LIX1L: variants seen among roughly 807,000 people sequenced by gnomAD.
LIX1L encodes limb and CNS expressed 1 like, also known as LIX1-like protein.
In LIX1L, 20 loss-of-function variants were observed where a neutral mutation model predicts 34.0. The ratio of observed to expected loss-of-function variants is 0.59; its 90% CI spans 0.41 to 0.85. LIX1L has a LOEUF of 0.85. Ranked by LOEUF, LIX1L falls within the 40% of genes least tolerant of loss-of-function variation. The pLI is 0.00. For synonymous variants in LIX1L, 170 were observed against 187.4 expected (o/e 0.91, Z 0.76); for missense variants, 397 against 447.0 (o/e 0.89, Z 1.01).
At chr1:145,945,488 T>C (rs1329431454) in intron 2 of LIX1L, among the ~76,000 whole-genome samples, 3 of 152,032 alleles carry the variant, frequency 2.0e-5, no homozygotes, top group Admixed American at 1.3e-4. Context: ...GGCTCACGCC[T>C]GTAATTCCAG....
At position 145,948,535 on chromosome 1, in the gene LIX1L, A is replaced by T. The variant is rs1352523986; in HGVS notation, c.293-753T>A. On this transcript the variant is annotated intron_variant, in intron 1 of 5. Coordinates refer to ENST00000604000, the MANE Select transcript of LIX1L (RefSeq NM_153713.3). This position sits in a 1 kb window ranked among gnomAD's most constrained non-coding sequence, Gnocchi z 4.0. ...GATTCCTTTTCCAACCCAGAATACT[A>T]TGTACATACTACGAGTGAGAGAAGC... Among the ~76,000 whole-genome samples, 3 of 152,196 alleles carry T rather than the reference A, an allele frequency of 2.0e-5. No individual in the cohort carries two copies. Among genetic ancestry groups the T allele is most frequent in the Admixed American group, 6.5e-5 (1 of 15,274 alleles).
intron 3 of LIX1L, among the ~76,000 whole-genome samples, chr1:145,940,555 T>TC (rs1433197703): frequency 5.5e-5 from 8 of 144,884 alleles, no homozygotes; most frequent in Non-Finnish European, 1.2e-4. Flanking sequence ...TCTTTCTTTT[T>TC]TTTTTTTTTT....
intron 4 of LIX1L, among the ~76,000 whole-genome samples, chr1:145,937,199 A>G (rs782281139): frequency 4.6e-5 from 7 of 151,662 alleles, no homozygotes; most frequent in Middle Eastern, 3.4e-3. Context: ...TATTTGAGAC[A>G]GAGTCTTGCT....
chr1:145,947,384 G>T, intron 2 of LIX1L: 1 of 513,462 alleles, frequency 1.9e-6, no homozygotes, highest in East Asian at 3.0e-5. Context: ...ACTGAGCAAG[G>T]GGATATTCAT....
intron 1 of LIX1L, among the ~76,000 whole-genome samples, chr1:145,951,489 C>G (rs1649299272): frequency 6.6e-6 from 1 of 152,114 alleles, no homozygotes; most frequent in Non-Finnish European, 1.5e-5. Flanking sequence ...TTTAAGAATG[C>G]TCATTCTTCT....
Position 145,935,912 on chromosome 1 carries a change from A to T in LIX1L, c.*398T>A. On this transcript the variant is annotated 3_prime_UTR_variant, in exon 6 of 6. Transcript: ENST00000604000. ...CATACTCATACCCTGTTTGAGTCCA[A>T]GAGGAAGCAGGAATGAGAGTAAGGG... 4.8e-6 allele frequency: 1 copy of T among 207,200 alleles called. No homozygotes were observed. The highest frequency in any genetic ancestry group is 1.3e-4 in the East Asian group (1 of 7,538). The allele number at this position is 207,200 out of a possible 1,614,324, so 12.8% of individuals were successfully genotyped here. A position where few individuals can be genotyped will look rare whatever the true frequency, so the allele number is the denominator to read the frequency against.
chr1:145,942,916 G>C, intron 2 of LIX1L, 63 bp from the exon 3 acceptor site: 6 of 1,512,188 alleles, frequency 4.0e-6, no homozygotes, highest in African/African-American at 2.7e-5. Context: ...GGAAGGAACA[G>C]TGGGAGGGAA....
intron 1 of LIX1L, among the ~76,000 whole-genome samples, chr1:145,949,259 G>A (rs986744154): frequency 2.0e-5 from 3 of 152,180 alleles, no homozygotes; most frequent in Admixed American, 2.0e-4. Context: ...TTGCAGCTGT[G>A]ATCAAGTTCT....
intron 3 of LIX1L, among the ~76,000 whole-genome samples, chr1:145,940,510 C>T (rs1037001892): frequency 7.3e-5 from 10 of 137,604 alleles, no homozygotes; most frequent in Non-Finnish European, 1.5e-5. Flanking sequence ...CAATGCCCAG[C>T]TAATTTTTGT....
chr1:145,951,328 T>G (rs1649293500), intron 1 of LIX1L, among the ~76,000 whole-genome samples: 4 of 152,190 alleles, frequency 2.6e-5, no homozygotes. Flanking sequence ...ATTACAGGCG[T>G]GAGCCACCGC....
chr1:145,947,639 T>C lies in LIX1L; in HGVS notation c.436A>G (p.Ser146Gly). ...YVCYVTLPGG[S>G]CFGSFQFCPT... ...CTTACCTGGAAACTCCCAAAGCAGC[T>C]TCCCCCAGGCAGGGTGACATAGCAG... Residue 146 changes from serine (S) to glycine (G), a missense_variant, in exon 2 of 6, where the codon AGC (serine) becomes GGC (glycine). This residue lies in a region of LIX1L where 207 missense variants were observed against 205.2 expected (regional missense o/e 1.01). Coordinates refer to ENST00000604000, the MANE Select transcript of LIX1L (RefSeq NM_153713.3). The C allele has an allele frequency of 6.2e-7, 1 of 1,614,048 alleles. No homozygotes were observed. The highest frequency in any genetic ancestry group is 8.5e-7 in the Non-Finnish European group (1 of 1,179,948).
intron 2 of LIX1L, among the ~76,000 whole-genome samples, chr1:145,946,306 C>T (rs1042570101): frequency 6.0e-5 from 9 of 150,454 alleles, no homozygotes; most frequent in Admixed American, 1.3e-4. Context: ...TCAAGCAATT[C>T]TCCTGCCTCA....
At position 145,936,528 on chromosome 1, in the gene LIX1L, G is replaced by A. The variant is rs782145457; in HGVS notation, c.796C>T (p.Arg266Trp). 33 of 1,614,004 alleles carry A rather than the reference G, an allele frequency of 2.0e-5. No individual in the cohort carries two copies. Among genetic ancestry groups the A allele is most frequent in the Non-Finnish European group, 2.5e-5 (30 of 1,180,006 alleles). The part of the protein sequence containing the change: ...RQEVLAHYSH[R>W]ALDDDIRHQM... Reference sequence around the variant, plus strand: ...TGGCGAATATCATCATCCAGGGCCCGGTGCGAATAATGAGCCAACACCTCC... The same window carrying A: ...TGGCGAATATCATCATCCAGGGCCCAGTGCGAATAATGAGCCAACACCTCC... Residue 266 changes from arginine (R) to tryptophan (W), a missense_variant, in exon 6 of 6, where the codon CGG becomes TGG. Transcript: ENST00000604000.
chr1:145,937,743 G>T, intron 3 of LIX1L, 44 bp from the exon 4 acceptor site: 1 of 1,170,424 alleles, frequency 8.5e-7, no homozygotes, highest in Non-Finnish European at 1.3e-6. Flanking sequence ...TTTCAACCAG[G>T]ATTATCATCT....
rs1553757812 is a variant in LIX1L, at chr1:145,936,419, AGCTCCC to A, written c.899_904del (p.Arg300_Glu301del). The stretch of plus-strand genomic sequence containing the variant: ...CTTGCCTGCCAGTCGGGCTTCATCC[AGCTCCC>A]GCTCAGTAGAGGCCAGCTCTCTAGA... On this transcript the variant is annotated inframe_deletion, in exon 6 of 6. Transcript: ENST00000604000. The A allele has an allele frequency of 6.2e-7, 1 of 1,614,110 alleles. No individual in the cohort carries two copies. The highest frequency in any genetic ancestry group is 1.7e-5 in the Admixed American group (1 of 60,002).
At chr1:145,947,305 T>C (rs1649144637) in intron 2 of LIX1L, 2 of 302,292 alleles carry the variant, frequency 6.6e-6, no homozygotes, top group Non-Finnish European at 6.3e-6. Context: ...CAATAAGAGA[T>C]GGAAGAAAGT....
At position 145,936,161 on chromosome 1, in the gene LIX1L, C is replaced by A. The variant is rs782781954; in HGVS notation, c.*149G>T. 5.8e-5 allele frequency: 53 copies of A among 908,916 alleles called. No individual in the cohort carries two copies. The highest frequency in any genetic ancestry group is 7.8e-5 in the Non-Finnish European group (49 of 629,682). The allele number at this position is 908,916 out of a possible 1,614,324, so 56.3% of individuals were successfully genotyped here. ...GGTAGTAAGAAAAGGGATCTCTTAGCAAATAGGAATCTAGGTGTAGAATTT... is the reference window on the plus strand; with the variant it reads ...GGTAGTAAGAAAAGGGATCTCTTAGAAAATAGGAATCTAGGTGTAGAATTT... On this transcript the variant is annotated 3_prime_UTR_variant, in exon 6 of 6. Transcript: ENST00000604000.
chr1:145,946,204 T>TC (rs1280623148), intron 2 of LIX1L, among the ~76,000 whole-genome samples: 1 of 150,512 alleles, frequency 6.6e-6, no homozygotes, highest in Non-Finnish European at 1.5e-5. Context: ...GAAGTTCTTT[T>TC]TTTTTTTTTT....
At chr1:145,940,488 A>G (rs1291807095) in intron 3 of LIX1L, among the ~76,000 whole-genome samples, 22 of 150,190 alleles carry the variant, frequency 1.5e-4, no homozygotes, top group African/African-American at 5.2e-4. Flanking sequence ...CTGGCATTAC[A>G]GGCATGTGCC....
Sources: allele counts gnomAD v4.1 joint callset (sites outside exome capture counted in the v4.1 genomes callset), GRCh38; gene constraint gnomAD v4.1.1; regional missense constraint gnomAD v4.1.1; non-coding constraint Gnocchi (gnomAD v3.1); transcripts MANE v1.5; gene names NCBI Gene and HGNC (gene_info 2026-07-23, HGNC 2026-07-21).